Variants in NKAIN3 observed in about 807,000 individuals in gnomAD.
NKAIN3 encodes the protein sodium/potassium transporting ATPase interacting 3.
NKAIN3 carries 25 observed loss-of-function variants against 30.2 expected under a neutral mutation model. The ratio of observed to expected loss-of-function variants is 0.83; its 90% CI spans 0.60 to 1.16. The LOEUF (loss-of-function observed/expected upper bound fraction) is 1.16, where lower values mean the gene tolerates loss of function less well. Among genes scored for constraint, NKAIN3 ranks in the 50% most tolerant of loss-of-function variants. NKAIN3 has a pLI of 0.00. For synonymous variants in NKAIN3, 91 were observed against 89.6 expected (o/e 1.02, Z -0.09); for missense variants, 225 against 254.1 (o/e 0.89, Z 0.78).
At chr8:62,260,648 G>A (rs1275896495) in intron 1 of NKAIN3, among the ~76,000 whole-genome samples, 1 of 152,082 alleles carries the variant, frequency 6.6e-6, no homozygotes, top group Non-Finnish European at 1.5e-5. Context: ...GATGGTGAAC[G>A]GCCGATGCAG....
chr8:62,863,847 G>T, intron 4 of NKAIN3: 1 of 1,600,564 alleles, frequency 6.2e-7, no homozygotes. Context: ...ATTTTCACTG[G>T]ATGATAGCCA....
At chr8:62,531,207 T>G (rs958874755) in intron 1 of NKAIN3, among the ~76,000 whole-genome samples, 3 of 152,146 alleles carry the variant, frequency 2.0e-5, no homozygotes, top group African/African-American at 7.2e-5. Flanking sequence ...CATCTACAGC[T>G]CACCAAAGAC....
intron 5 of NKAIN3, among the ~76,000 whole-genome samples, chr8:62,919,969 T>C (rs553122065): frequency 1.9e-4 from 29 of 151,582 alleles, no homozygotes; most frequent in African/African-American, 6.8e-4. Context: ...AGTGCAGTTC[T>C]AATGACAACA....
intron 1 of NKAIN3, 52 bp downstream of exon 1, chr8:62,249,179 G>GCCTCTGCGACTCCCTCTGCGGTT (rs2129384642): frequency 1.4e-6 from 2 of 1,442,016 alleles, no homozygotes; most frequent in East Asian, 5.5e-5. Flanking sequence ...TCCAGGACCG[G>GCCTCTGCGACTCCCTCTGCGGTT]CCTCTGCGAC....
intron 1 of NKAIN3, among the ~76,000 whole-genome samples, chr8:62,293,573 T>C (rs1028462526): frequency 6.6e-6 from 1 of 152,202 alleles, no homozygotes; most frequent in South Asian, 2.1e-4. Context: ...ATGGCAAATG[T>C]TGCTGTCTGA....
At chr8:62,617,551 G>A (rs1396616941) in intron 3 of NKAIN3, among the ~76,000 whole-genome samples, 2 of 152,150 alleles carry the variant, frequency 1.3e-5, no homozygotes, top group African/African-American at 4.8e-5. Flanking sequence ...CTGGGTACCA[G>A]GCAAATTTAC....
Position 62,595,132 on chromosome 8 carries a change from T to G in NKAIN3, c.273+5338T>G, listed in dbSNP as rs1397820739. 8.5e-5 allele frequency among the ~76,000 whole-genome samples: 13 copies of G among 152,084 alleles called. No homozygotes were observed. In the East Asian group the frequency reaches 2.5e-3, roughly 30 times the overall value. Reference sequence around the variant, plus strand: ...CATACTGACTTTTTAAAAATTGGACTTAATGAAAAACATTTTTATGTTGTT... The same window carrying G: ...CATACTGACTTTTTAAAAATTGGACGTAATGAAAAACATTTTTATGTTGTT... On this transcript the variant is annotated intron_variant, in intron 3 of 6. Coordinates refer to ENST00000623646, the MANE Select transcript of NKAIN3 (RefSeq NM_001304533.3).
At chr8:62,348,216 G>T (rs1816068886) in intron 1 of NKAIN3, among the ~76,000 whole-genome samples, 1 of 152,052 alleles carries the variant, frequency 6.6e-6, no homozygotes, top group Non-Finnish European at 1.5e-5. Flanking sequence ...ACTTGGAAAA[G>T]AATATAGTGA....
intron 3 of NKAIN3, among the ~76,000 whole-genome samples, chr8:62,697,342 C>G (rs546655992): frequency 1.3e-5 from 2 of 152,192 alleles, no homozygotes; most frequent in Non-Finnish European, 2.9e-5. Context: ...GCACGCCTGC[C>G]TCAGGGCCTT....
At chr8:62,760,954 C>T (rs1816639377) in intron 4 of NKAIN3, among the ~76,000 whole-genome samples, 1 of 152,138 alleles carries the variant, frequency 6.6e-6, no homozygotes, top group African/African-American at 2.4e-5. Flanking sequence ...GTGGGGAGTT[C>T]TCTCAACGGG....
intron 1 of NKAIN3, among the ~76,000 whole-genome samples, chr8:62,448,548 CT>C (rs1387686056): frequency 1.7e-4 from 25 of 150,854 alleles, no homozygotes; most frequent in African/African-American, 6.1e-4. Flanking sequence ...TTGGATCTCT[CT>C]TTTTTAACAT....
chr8:62,856,771 A>G (rs1346022646), intron 4 of NKAIN3: 2 of 658,304 alleles, frequency 3.0e-6, no homozygotes, highest in African/African-American at 1.8e-5. Context: ...GGCTTATCCA[A>G]CTCCTGTAAG....
chr8:62,885,576 A>G (rs1485947119), intron 4 of NKAIN3, among the ~76,000 whole-genome samples: 1 of 152,202 alleles, frequency 6.6e-6, no homozygotes, highest in African/African-American at 2.4e-5. Flanking sequence ...CTGAACAGGG[A>G]CATTGAAGTC....
At chr8:62,783,389 T>C (rs747611384) in intron 4 of NKAIN3, among the ~76,000 whole-genome samples, 30 of 152,072 alleles carry the variant, frequency 2.0e-4, no homozygotes, top group Non-Finnish European at 3.8e-4. Context: ...ATGCTGGCAC[T>C]CTGATTTTAG....
intron 4 of NKAIN3, among the ~76,000 whole-genome samples, chr8:62,868,341 C>CTTT (rs35914769): frequency 2.5e-4 from 36 of 146,378 alleles, no homozygotes; most frequent in South Asian, 8.7e-4. Context: ...AGTTCATTTC[C>CTTT]TTTTTTTTTT....
intron 4 of NKAIN3, among the ~76,000 whole-genome samples, chr8:62,865,717 C>T (rs1163660767): frequency 2.0e-5 from 3 of 152,056 alleles, no homozygotes; most frequent in African/African-American, 7.2e-5. Flanking sequence ...CAAGTTGGAA[C>T]CAAGAAATAG....
At chr8:62,501,804 G>A (rs1353334339) in intron 1 of NKAIN3, among the ~76,000 whole-genome samples, 1 of 152,106 alleles carries the variant, frequency 6.6e-6, no homozygotes, top group Non-Finnish European at 1.5e-5. Flanking sequence ...ATTCAAATCA[G>A]TGCTACTATA....
chr8:62,873,289 T>C lies in NKAIN3; in HGVS notation c.472-45164T>C, dbSNP rs181609598. Among the ~76,000 whole-genome samples the C allele has an allele frequency of 1.3e-3, 194 of 152,122 alleles. 1 individual carries two copies. Among genetic ancestry groups the C allele is most frequent in the African/African-American group, 4.6e-3 (189 of 41,476 alleles). On this transcript the variant is annotated intron_variant, in intron 4 of 6. Coordinates refer to ENST00000623646, the MANE Select transcript of NKAIN3 (RefSeq NM_001304533.3). ...GAATAATTCAACAAGAAGAGCTAAC[T>C]ATTCTAAATATACATGCACCCAATA...
In NKAIN3 at chr8:62,801,638, C is replaced by A. The variant is rs895513230; in HGVS notation, c.471+54509C>A. ...ATCTGTACATCACCATCATCAAAGA[C>A]CAAAAGTAGATAAAACCACAAAGAT... On this transcript the variant is annotated intron_variant, in intron 4 of 6. Transcript: ENST00000623646. Among the ~76,000 whole-genome samples, 6 of 152,116 alleles carry A rather than the reference C, an allele frequency of 3.9e-5. No individual in the cohort carries two copies. The East Asian group carries it at 7.7e-4, about 20-fold the overall frequency.
Sources: allele counts gnomAD v4.1 joint callset (sites outside exome capture counted in the v4.1 genomes callset), GRCh38; gene constraint gnomAD v4.1.1; transcripts MANE v1.5; gene names NCBI Gene and HGNC (gene_info 2026-07-23, HGNC 2026-07-21).